Variants in PRKCH observed in about 807,000 individuals in gnomAD.
PRKCH encodes the protein protein kinase C eta.
Under a neutral mutation model 82.5 loss-of-function variants are expected in PRKCH, and 28 were observed. The ratio of observed to expected loss-of-function variants is 0.34; its 90% CI spans 0.25 to 0.47. PRKCH has a LOEUF of 0.47. Ranked by LOEUF, PRKCH falls within the 20% of genes least tolerant of loss-of-function variation. The probability of loss-of-function intolerance (pLI) is 1.00; values close to 1 mark genes in which losing one functional copy is unlikely to be tolerated. For missense variants in PRKCH, 705 were observed against 881.8 expected (o/e 0.80, Z 2.54); for synonymous variants, 322 against 327.4 (o/e 0.98, Z 0.18).
chr14:61,302,086 C>G (rs559513321), intron 1 of PRKCH, among the ~76,000 whole-genome samples: 2 of 152,184 alleles, frequency 1.3e-5, no homozygotes, highest in South Asian at 2.1e-4. Flanking sequence ...CTTCTTGTGT[C>G]AGATTTTTAC....
intron 4 of PRKCH, among the ~76,000 whole-genome samples, chr14:61,447,722 A>T (rs1884295027): frequency 6.6e-6 from 1 of 152,232 alleles, no homozygotes; most frequent in African/African-American, 2.4e-5. Context: ...TCAAGAGAAC[A>T]TAAAAAATAT....
intron 12 of PRKCH, among the ~76,000 whole-genome samples, chr14:61,546,154 C>G (rs1405165461): frequency 6.6e-6 from 1 of 152,208 alleles, no homozygotes; most frequent in Non-Finnish European, 1.5e-5. Context: ...CATTTTCTCC[C>G]TTCCTGCCTG....
chr14:61,279,455 G>C (rs1446360457), intron 1 of PRKCH: 1 of 152,184 alleles, frequency 6.6e-6, no homozygotes, highest in Non-Finnish European at 1.5e-5. Flanking sequence ...CCAAATTTGA[G>C]GGAATATGGG....
At chr14:61,434,960 G>A (rs80258470) in intron 2 of PRKCH, among the ~76,000 whole-genome samples, 6,268 of 152,152 alleles carry the variant, frequency 0.041, 425 homozygotes, top group African/African-American at 0.13. Flanking sequence ...AAATAAATAT[G>A]GATGCCCCAC....
chr14:61,361,286 A>T (rs2046221610), intron 1 of PRKCH: 1 of 152,200 alleles, frequency 6.6e-6, no homozygotes, highest in African/African-American at 2.4e-5. Flanking sequence ...CCCCTTACTG[A>T]GGAACAGAAT....
chr14:61,241,686 G>A (rs566410647), intron 1 of PRKCH, among the ~76,000 whole-genome samples: 156 of 152,326 alleles, frequency 1.0e-3, no homozygotes, highest in African/African-American at 3.6e-3. Context: ...CCTAGAGGGA[G>A]TCACTTTGGC....
At chr14:61,292,669 G>T (rs1026333687) in intron 1 of PRKCH, among the ~76,000 whole-genome samples, 2 of 151,678 alleles carry the variant, frequency 1.3e-5, no homozygotes, top group Middle Eastern at 3.4e-3. Flanking sequence ...TACTCAGGAG[G>T]CTGAGGCAGG....
intron 1 of PRKCH, among the ~76,000 whole-genome samples, chr14:61,237,497 A>G (rs2044800277): frequency 6.6e-6 from 1 of 152,218 alleles, no homozygotes; most frequent in Non-Finnish European, 1.5e-5. Context: ...AAGTCTGACA[A>G]GAAACATTTA....
At chr14:61,437,202 C>T (rs78743907) in intron 2 of PRKCH, among the ~76,000 whole-genome samples, 2,671 of 152,192 alleles carry the variant, frequency 0.018, 71 homozygotes, top group African/African-American at 0.055. Flanking sequence ...CTGTTTGTGT[C>T]GTTACTGTCT....
intron 1 of PRKCH, among the ~76,000 whole-genome samples, chr14:61,366,793 C>T (rs1008098579): frequency 1.3e-5 from 2 of 151,958 alleles, no homozygotes; most frequent in African/African-American, 4.8e-5. Context: ...CTTCAGTGGC[C>T]AGAGGCTTCA....
chr14:61,389,830 T>C (rs1207509463), intron 1 of PRKCH, among the ~76,000 whole-genome samples: 1 of 150,552 alleles, frequency 6.6e-6, no homozygotes, highest in Admixed American at 6.6e-5. Flanking sequence ...CAGACTAGAG[T>C]TCTTGGCCTG....
intron 1 of PRKCH, among the ~76,000 whole-genome samples, chr14:61,308,697 C>T (rs527814218): frequency 2.6e-5 from 4 of 152,254 alleles, no homozygotes; most frequent in East Asian, 1.9e-4. Flanking sequence ...GGTACAAACA[C>T]GGTTCACTGC....
At chr14:61,447,067 G>A (rs148632206) in intron 4 of PRKCH, among the ~76,000 whole-genome samples, 41 of 152,254 alleles carry the variant, frequency 2.7e-4, no homozygotes, top group African/African-American at 9.4e-4. Flanking sequence ...GTTGGAGAGA[G>A]GTATGCCATT....
intron 1 of PRKCH, among the ~76,000 whole-genome samples, chr14:61,387,266 C>T (rs1202893208): frequency 6.6e-6 from 1 of 152,248 alleles, no homozygotes; most frequent in East Asian, 1.9e-4. Flanking sequence ...AATGTGCCTG[C>T]CCCAGGCCAG....
intron 10 of PRKCH, 24 bp downstream of exon 10, chr14:61,485,680 C>T (rs1886188096): frequency 1.2e-6 from 2 of 1,601,956 alleles, no homozygotes; most frequent in South Asian, 1.1e-5. Flanking sequence ...GCTGCCCTGT[C>T]TTCTAATTCA....
chr14:61,480,296 T>C (rs1377563545), intron 9 of PRKCH, among the ~76,000 whole-genome samples: 1 of 152,210 alleles, frequency 6.6e-6, no homozygotes, highest in East Asian at 1.9e-4. Context: ...AGTACTTCCC[T>C]AAATGCAGGA....
chr14:61,437,595 T>C (rs187693388), intron 2 of PRKCH, among the ~76,000 whole-genome samples: 1 of 152,326 alleles, frequency 6.6e-6, no homozygotes, highest in Non-Finnish European at 1.5e-5. Context: ...CCTGTTAGTT[T>C]CTGTTTCCTC....
rs370235533 is a variant in PRKCH, at chr14:61,375,284, C to G, written c.364-15941C>G. Among the ~76,000 whole-genome samples the G allele has an allele frequency of 9.9e-5, 15 of 152,068 alleles. No individual in the cohort carries two copies. The East Asian group carries it at 1.5e-3, about 16-fold the overall frequency. Reference sequence around the variant, plus strand: ...TCCATATCGCTATCAGCATTTTGGTCTCAACCATTGAACAAATACTAGGAA... The same window carrying G: ...TCCATATCGCTATCAGCATTTTGGTGTCAACCATTGAACAAATACTAGGAA... On this transcript the variant is annotated intron_variant, in intron 1 of 13. Coordinates refer to ENST00000332981, the MANE Select transcript of PRKCH (RefSeq NM_006255.5).
At chr14:61,299,235 T>A (rs925427914) in intron 1 of PRKCH, among the ~76,000 whole-genome samples, 1 of 152,148 alleles carries the variant, frequency 6.6e-6, no homozygotes, top group African/African-American at 2.4e-5. Flanking sequence ...CCAGAAAGAT[T>A]ACACTGAAGA....
Sources: gnomAD v4.1 joint callset for allele counts (sites outside exome capture counted in the v4.1 genomes callset) on GRCh38, gnomAD v4.1.1 for gene constraint, MANE v1.5 for transcripts, NCBI Gene and HGNC (gene_info 2026-07-23, HGNC 2026-07-21) for gene names.